Variants in SUSD4 observed in about 807,000 individuals in gnomAD.
SUSD4 encodes sushi domain-containing protein 4.
SUSD4 carries 41 observed loss-of-function variants against 50.5 expected under a neutral mutation model. The observed-to-expected ratio is 0.81, with a 90% CI of 0.63 to 1.05. The LOEUF is 1.05. SUSD4 is among the 50% of genes least tolerant of loss of function. The pLI is 0.00. For synonymous variants in SUSD4, 257 were observed against 257.3 expected (o/e 1.00, Z 0.01); for missense variants, 580 against 634.7 (o/e 0.91, Z 0.93).
At chr1:223,267,167 A>G (rs1432474561) in intron 4 of SUSD4, among the ~76,000 whole-genome samples, 2 of 152,218 alleles carry the variant, frequency 1.3e-5, no homozygotes, top group Non-Finnish European at 2.9e-5. Context: ...GAGCAGCAGG[A>G]AAGCCTGGGT....
intron 2 of SUSD4, among the ~76,000 whole-genome samples, chr1:223,295,696 G>A (rs1451246302): frequency 6.6e-6 from 1 of 151,968 alleles, no homozygotes; most frequent in African/African-American, 2.4e-5. Flanking sequence ...GGAAGGGAAA[G>A]AGATGAAGGC....
rs74664051 is a variant in SUSD4, at chr1:223,277,874, A to G, written c.362-9199T>C. On this transcript the variant is annotated intron_variant, in intron 3 of 8. Transcript: ENST00000366878. ...GTCGAACACTAGAGAAAATTATGTT[A>G]TTCTCCCTTCTTACAAAGCAATATC... Among the ~76,000 whole-genome samples, 993 of 152,342 alleles carry G rather than the reference A, an allele frequency of 6.5e-3. 13 individuals are homozygous for G. Among genetic ancestry groups the G allele is most frequent in the African/African-American group, 0.022 (933 of 41,594 alleles).
intron 2 of SUSD4, among the ~76,000 whole-genome samples, chr1:223,306,279 T>G (rs1203500109): frequency 1.3e-5 from 2 of 152,192 alleles, no homozygotes; most frequent in Admixed American, 1.3e-4. Flanking sequence ...TATAAAAGCA[T>G]GCCCAGCAAC....
chr1:223,353,506 C>T (rs968475793), intron 2 of SUSD4, among the ~76,000 whole-genome samples: 3 of 152,100 alleles, frequency 2.0e-5, no homozygotes, highest in African/African-American at 7.2e-5. Flanking sequence ...ATGAAGAAAC[C>T]AATGAATGGC....
rs1371990795 is a variant in SUSD4 at position 223,221,895 on chromosome 1, G to C, written c.*297C>G. ...GATTCGGTGGGATGTGCGTGGAATTGTCCCATGTTCCACAGCACGATACAC... is the reference window on the plus strand; with the variant it reads ...GATTCGGTGGGATGTGCGTGGAATTCTCCCATGTTCCACAGCACGATACAC... On this transcript the variant is annotated 3_prime_UTR_variant, in exon 9 of 9. Coordinates refer to ENST00000366878, the MANE Select transcript of SUSD4 (RefSeq NM_017982.4). The C allele has an allele frequency of 5.9e-6, 2 of 338,722 alleles. No individual in the cohort carries two copies. Among genetic ancestry groups the C allele is most frequent in the Non-Finnish European group, 1.1e-5 (2 of 188,200 alleles). 21.0% of individuals were successfully genotyped at this position (338,722 alleles called of 1,614,324 possible). A position where few individuals can be genotyped will look rare whatever the true frequency, so the allele number is the denominator to read the frequency against.
intron 3 of SUSD4, 138 bp downstream of exon 3, chr1:223,292,301 C>CTTT (rs1233767354): frequency 1.2e-6 from 1 of 868,276 alleles, no homozygotes; most frequent in Non-Finnish European, 1.8e-6. Context: ...CCCACTCCTG[C>CTTT]TTTCTGGTCA....
chr1:223,309,360 T>C (rs919754334), intron 2 of SUSD4, among the ~76,000 whole-genome samples: 1 of 152,084 alleles, frequency 6.6e-6, no homozygotes, highest in African/African-American at 2.4e-5. Context: ...TTGGTTATCT[T>C]TGTTAGCAGA....
intron 5 of SUSD4, among the ~76,000 whole-genome samples, chr1:223,246,504 G>A (rs1024379219): frequency 4.0e-5 from 6 of 151,546 alleles, no homozygotes; most frequent in South Asian, 2.1e-4. Flanking sequence ...TTGTTAAGAC[G>A]TTGGCAGGAG....
At chr1:223,352,113 G>A (rs974826355) in intron 2 of SUSD4, among the ~76,000 whole-genome samples, 4 of 152,220 alleles carry the variant, frequency 2.6e-5, no homozygotes, top group African/African-American at 9.6e-5. Flanking sequence ...TTGAGAAACA[G>A]CAATTTTAAT....
At position 223,302,627 on chromosome 1, in the gene SUSD4, A is replaced by G. The variant is rs189610692; in HGVS notation, c.149-9976T>C. On this transcript the variant is annotated intron_variant, in intron 2 of 8. Transcript: ENST00000366878. ...AACATTCTGAGGGCCCCCTGCCCCA[A>G]TGATAGGTAGCTCAAGGACTGCCAA... Among the ~76,000 whole-genome samples the G allele has an allele frequency of 4.0e-4, 61 of 152,302 alleles. No individual in the cohort carries two copies. The East Asian group carries it at 5.2e-3, about 13-fold the overall frequency.
In SUSD4 at chr1:223,268,013, T is replaced by TATATA. The variant is rs1553291074; in HGVS notation, c.535+488_535+489insTATAT. On this transcript the variant is annotated intron_variant, in intron 4 of 8. Coordinates refer to ENST00000366878, the MANE Select transcript of SUSD4 (RefSeq NM_017982.4). ...AATTTTTCTGCTCTTCATGCATTTT[T>TATATA]TATATATATATATATATATATATAT... Among the ~76,000 whole-genome samples the TATATA allele has an allele frequency of 7.3e-3, 387 of 53,296 alleles. 19 individuals are homozygous for TATATA. The highest frequency in any genetic ancestry group is 0.022 in the African/African-American group (196 of 8,726). The allele number at this position is 53,296 out of a possible 152,430, so 35.0% of individuals were successfully genotyped here.
At chr1:223,308,527 T>A (rs923831209) in intron 2 of SUSD4, among the ~76,000 whole-genome samples, 8 of 152,210 alleles carry the variant, frequency 5.3e-5, no homozygotes, top group Non-Finnish European at 1.0e-4. Flanking sequence ...TATTTCTTTA[T>A]AACAATGTGA....
Position 223,264,643 on chromosome 1 carries a change from G to A in SUSD4, c.711C>T (p.Cys237=). 1.9e-6 allele frequency: 3 copies of A among 1,614,076 alleles called. No individual in the cohort carries two copies. The highest frequency in any genetic ancestry group is 1.7e-6 in the Non-Finnish European group (2 of 1,179,966). The change falls in exon 5 of 9, where the codon TGC becomes TGT. Residue 237 remains cysteine, a synonymous_variant. Transcript: ENST00000366878. ...NLIWSSSPPR[C]LALEVCPLPP... is the part of the protein sequence containing the mutation. ...GAGATGTGTTACCTTCCAGAGCAAG[G>A]CACCGGGGTGGGCTGGACGACCAGA... is the stretch of plus-strand genomic sequence containing the variant.
At chr1:223,279,614 G>A (rs1385525742) in intron 3 of SUSD4, among the ~76,000 whole-genome samples, 2 of 152,206 alleles carry the variant, frequency 1.3e-5, no homozygotes, top group Non-Finnish European at 2.9e-5. Flanking sequence ...ACATCTGATT[G>A]ATGTACCTGA....
intron 2 of SUSD4, among the ~76,000 whole-genome samples, chr1:223,305,278 G>A (rs1665466658): frequency 6.6e-6 from 1 of 152,126 alleles, no homozygotes. Context: ...CTTTGGGGGT[G>A]TGCAATCAAG....
chr1:223,316,420 TCTCCACTCTC>T (rs1169170125), intron 2 of SUSD4, among the ~76,000 whole-genome samples: 1 of 151,972 alleles, frequency 6.6e-6, no homozygotes, highest in African/African-American at 2.4e-5. Context: ...TTCAAGCTCC[TCTCCACTCTC>T]CTCCACACTC....
intron 1 of SUSD4, 34 bp from the exon 2 acceptor site, chr1:223,363,494 G>A: frequency 7.0e-7 from 1 of 1,435,630 alleles, no homozygotes; most frequent in Non-Finnish European, 9.3e-7. Context: ...CAATAAGCCA[G>A]TCTGTCCGGG....
chr1:223,237,799 C>T (rs966455616), intron 5 of SUSD4, among the ~76,000 whole-genome samples: 26 of 151,804 alleles, frequency 1.7e-4, no homozygotes, highest in African/African-American at 5.8e-4. Context: ...TATTGATCTG[C>T]GATTTTCTTT....
intron 2 of SUSD4, among the ~76,000 whole-genome samples, chr1:223,355,471 C>T (rs1209644641): frequency 2.6e-5 from 4 of 152,014 alleles, no homozygotes; most frequent in Non-Finnish European, 4.4e-5. Flanking sequence ...CAACCACCTT[C>T]GCCTCCCAAA....
Sources: allele counts gnomAD v4.1 joint callset (sites outside exome capture counted in the v4.1 genomes callset), GRCh38; gene constraint gnomAD v4.1.1; transcripts MANE v1.5; gene names NCBI Gene and HGNC (gene_info 2026-07-23, HGNC 2026-07-21).